The following CDC42BPG variants were observed in gnomAD, a reference collection of about 807,000 sequenced individuals.
The protein encoded by CDC42BPG is CDC42 binding protein kinase gamma.
In CDC42BPG, 157 loss-of-function variants were observed where a neutral mutation model predicts 192.2. The ratio of observed to expected loss-of-function variants is 0.82; its 90% confidence interval spans 0.72 to 0.93. The LOEUF (loss-of-function observed/expected upper bound fraction) is 0.93. CDC42BPG is among the 40% of genes least tolerant of loss of function. The pLI is 0.00. For missense variants in CDC42BPG, 1,992 were observed against 2,122.1 expected (o/e 0.94, Z 1.20); for synonymous variants, 981 against 918.5 (o/e 1.07, Z -1.23).
intron 9 of CDC42BPG, among the ~76,000 whole-genome samples, chr11:64,837,430 C>T (rs564543211): frequency 7.9e-5 from 12 of 152,172 alleles, no homozygotes; most frequent in Non-Finnish European, 1.5e-4. Context: ...TCACTGCGGT[C>T]TCAGGCCAGC....
intron 34 of CDC42BPG, 96 bp from the exon 35 acceptor site, chr11:64,826,890 GC>G (rs1183790700): frequency 3.7e-6 from 5 of 1,350,264 alleles, no homozygotes; most frequent in Admixed American, 5.2e-5. Flanking sequence ...ACGCCACTGG[GC>G]CCCCAGCCTG....
At chr11:64,836,714 G>GGA in intron 11 of CDC42BPG, 25 bp downstream of exon 11, 1 of 866,540 alleles carries the variant, frequency 1.2e-6, no homozygotes, top group South Asian at 1.7e-5. Flanking sequence ...CCTGGGGGGG[G>GGA]GGGGGGGGTG....
At chr11:64,839,715 C>G (rs1032817360) in intron 5 of CDC42BPG, 144 bp from the exon 6 acceptor site, 1 of 646,394 alleles carries the variant, frequency 1.5e-6, no homozygotes, top group Non-Finnish European at 2.7e-6. Context: ...TGATGAGCAA[C>G]GTGTGTGTGT....
chr11:64,833,222 G>T lies in CDC42BPG; in HGVS notation c.2731+9C>A. ...CCGTGGCTGGAGCATAGTGGGTGGG[G>T]ACTCTCACCATCACAACCCAGGCCC... On this transcript the variant is annotated intron_variant, in intron 24 of 36. Transcript: ENST00000342711. The T allele has an allele frequency of 6.5e-7, 1 of 1,535,798 alleles. No homozygotes were observed. Among genetic ancestry groups the T allele is most frequent in the Non-Finnish European group, 8.8e-7 (1 of 1,134,306 alleles).
At position 64,838,200 on chromosome 11, in the gene CDC42BPG, GCCAAGGC is replaced by G. The variant is rs779107116; in HGVS notation, c.1126-45_1126-39del. ...AGGGAAGGAGAGTCAGAGTCCACAG[GCCAAGGC>G]CCGAGGCCCAAGGCCCAGGAGCCCC... On this transcript the variant is annotated intron_variant, in intron 8 of 36. Transcript: ENST00000342711. The G allele has an allele frequency of 3.3e-6, 5 of 1,516,812 alleles. No individual in the cohort carries two copies. In the Admixed American group the frequency reaches 8.0e-5, roughly 24 times the overall value. 94.0% of individuals were successfully genotyped at this position (1,516,812 alleles called of 1,614,324 possible). A position where few individuals can be genotyped will look rare whatever the true frequency, so the allele number is the denominator to read the frequency against.
chr11:64,826,836 A>C, intron 34 of CDC42BPG, 42 bp from the exon 35 acceptor site: 1 of 1,468,252 alleles, frequency 6.8e-7, no homozygotes, highest in Non-Finnish European at 9.0e-7. Context: ...TAGCAGGCAC[A>C]AGGAGGACAA....
intron 1 of CDC42BPG, among the ~76,000 whole-genome samples, chr11:64,842,572 GC>G (rs1943326468): frequency 6.6e-6 from 1 of 152,180 alleles, no homozygotes; most frequent in Admixed American, 6.5e-5. Flanking sequence ...GCTAGCACTA[GC>G]CCCTGAAGGC....
rs767920623 is a variant in CDC42BPG at position 64,833,920 on chromosome 11, C to T, written c.2466+5G>A. On this transcript the variant is annotated splice_donor_5th_base_variant and intron_variant, in intron 21 of 36. Transcript: ENST00000342711. ...CCCCAACAAGCCCCTTGGCCTGGTCCTTACCTCTGAGCTCCGGAAGGACAG... is the reference window on the plus strand; with the variant it reads ...CCCCAACAAGCCCCTTGGCCTGGTCTTTACCTCTGAGCTCCGGAAGGACAG... The T allele has an allele frequency of 1.2e-6, 2 of 1,614,242 alleles. No homozygotes were observed. The highest frequency in any genetic ancestry group is 2.2e-5 in the South Asian group (2 of 91,092).
At chr11:64,834,089 C>G (rs963865451) in intron 20 of CDC42BPG, 112 bp from the exon 21 acceptor site, 1 of 1,498,042 alleles carries the variant, frequency 6.7e-7, no homozygotes, top group African/African-American at 1.4e-5. Flanking sequence ...CAGGGTGGGG[C>G]AGGGCTGGGC....
At chr11:64,842,838 C>T (rs1027765813) in intron 1 of CDC42BPG, among the ~76,000 whole-genome samples, 1 of 152,188 alleles carries the variant, frequency 6.6e-6, no homozygotes, top group Non-Finnish European at 1.5e-5. Flanking sequence ...GGCGCCCTGC[C>T]TCAGTTTCCC....
chr11:64,832,645 G>A lies in CDC42BPG; in HGVS notation c.2964C>T (p.Leu988=), dbSNP rs772184650. 6.2e-7 allele frequency: 1 copy of A among 1,613,822 alleles called. No homozygotes were observed. Among genetic ancestry groups the A allele is most frequent in the Non-Finnish European group, 8.5e-7 (1 of 1,180,004 alleles). Reference sequence around the variant, plus strand: ...GCAGGAGGGCCCCACTGGGCGGGCTGAGCCTCAGGTCAGGGGCGTCAAACA... The same window carrying A: ...GCAGGAGGGCCCCACTGGGCGGGCTAAGCCTCAGGTCAGGGGCGTCAAACA... ...LLLFDAPDLR[L]SPPSGALLQV... is the part of the protein sequence containing the mutation. Residue 988 remains leucine (L), a synonymous_variant, in exon 26 of 37, where the codon CTC becomes CTT. Transcript: ENST00000342711.
Position 64,836,150 on chromosome 11 carries a change from G to A in CDC42BPG, c.1635C>T (p.Ser545=). ...ATASQTRALS[S]QLEEARAAQR... The stretch of plus-strand genomic sequence containing the variant: ...GGGCAGCCCGGGCTTCCTCCAGCTG[G>A]GAGCTCAGGGCCCGGGTCTGGCTAG... The change falls in exon 13 of 37, where the codon TCC becomes TCT. Residue 545 remains serine (S), a synonymous_variant. Coordinates refer to ENST00000342711, the MANE Select transcript of CDC42BPG (RefSeq NM_017525.3). 1.9e-6 allele frequency: 3 copies of A among 1,599,910 alleles called. No individual in the cohort carries two copies. Among genetic ancestry groups the A allele is most frequent in the Non-Finnish European group, 2.6e-6 (3 of 1,174,868 alleles).
chr11:64,829,870 C>T lies in CDC42BPG; in HGVS notation c.3568G>A (p.Ala1190Thr). Residue 1190 changes from alanine (A) to threonine (T), a missense_variant, in exon 30 of 37, where the codon GCC becomes ACC. Ala to Thr is a moderately conservative substitution (Grantham distance 58). Transcript: ENST00000342711. ...QVLAAGSILQ[A>T]RTPVLCVAVK... ...GCTACACAGAGCACCGGGGTGCGGGCCTGCAGGATGCTTCCAGCTGCCAGC... is the reference window on the plus strand; with the variant it reads ...GCTACACAGAGCACCGGGGTGCGGGTCTGCAGGATGCTTCCAGCTGCCAGC... 1.9e-6 allele frequency: 3 copies of T among 1,608,728 alleles called. No individual in the cohort carries two copies. The highest frequency in any genetic ancestry group is 1.7e-4 in the Middle Eastern group (1 of 6,030).
In CDC42BPG at chr11:64,824,358, C is replaced by A; in HGVS notation, c.*115G>T. The stretch of plus-strand genomic sequence containing the variant: ...CTCCCAGTCATTGCCCAGCCCGGGT[C>A]CTCCCTGAGTCCGAATTTCCATGTC... On this transcript the variant is annotated 3_prime_UTR_variant, in exon 37 of 37. Transcript: ENST00000342711. The A allele has an allele frequency of 1.2e-6, 1 of 827,498 alleles. No individual in the cohort carries two copies. The highest frequency in any genetic ancestry group is 1.3e-5 in the South Asian group (1 of 74,838). 51.3% of individuals were successfully genotyped at this position (827,498 alleles called of 1,614,324 possible).
At chr11:64,840,399 G>T in intron 4 of CDC42BPG, 131 bp from the exon 5 acceptor site, 1 of 1,423,214 alleles carries the variant, frequency 7.0e-7, no homozygotes, top group Non-Finnish European at 9.5e-7. Context: ...CCCAGCCAGG[G>T]CTCAGGCAGG....
rs371265997 is a variant in CDC42BPG, at chr11:64,839,497, C to T, written c.656G>A (p.Arg219His). The change falls in exon 6 of 37, where the codon CGT (arginine) becomes CAT (histidine). Residue 219 changes from arginine (R) to histidine (H), a missense_variant. By Grantham distance (29) the Arg-to-His change is conservative (BLOSUM62 0). Coordinates refer to ENST00000342711, the MANE Select transcript of CDC42BPG (RefSeq NM_017525.3). ...IRLADFGSCLRLNTNGMVDSS... is the reference protein window; with the variant it reads ...IRLADFGSCLHLNTNGMVDSS... ...CCTTACCATGCCGTTGGTGTTGAGACGCAGGCAGGAGCCGAAGTCAGCCAG... is the reference window on the plus strand; with the variant it reads ...CCTTACCATGCCGTTGGTGTTGAGATGCAGGCAGGAGCCGAAGTCAGCCAG... The T allele has an allele frequency of 6.0e-5, 96 of 1,613,180 alleles. No individual in the cohort carries two copies. The South Asian group carries it at 6.7e-4, about 11-fold the overall frequency.
chr11:64,838,363 T>C (rs1943119051), intron 8 of CDC42BPG, among the ~76,000 whole-genome samples: 1 of 152,228 alleles, frequency 6.6e-6, no homozygotes, highest in Non-Finnish European at 1.5e-5. Flanking sequence ...ATACGGATTC[T>C]AGTTAATAGA....
At chr11:64,841,526 G>A (rs1373466557) in intron 3 of CDC42BPG, 124 bp downstream of exon 3, 8 of 726,976 alleles carry the variant, frequency 1.1e-5, no homozygotes, top group East Asian at 2.5e-5. Flanking sequence ...TGGCTGCTGA[G>A]GGTGGCACCC....
intron 30 of CDC42BPG, among the ~76,000 whole-genome samples, chr11:64,828,781 T>A (rs897809085): frequency 6.6e-6 from 1 of 151,864 alleles, no homozygotes; most frequent in Non-Finnish European, 1.5e-5. Flanking sequence ...GCTGGACGCG[T>A]TGGCTAACGC....
Sources: gnomAD v4.1 joint callset for allele counts (sites outside exome capture counted in the v4.1 genomes callset) on GRCh38, gnomAD v4.1.1 for gene constraint, MANE v1.5 for transcripts, NCBI Gene and HGNC (gene_info 2026-07-23, HGNC 2026-07-21) for gene names.